TMEM248: variants seen among roughly 807,000 people sequenced by gnomAD.
The protein encoded by TMEM248 is UPF0458 protein C7orf42.
TMEM248 carries 9 observed loss-of-function variants against 30.3 expected under a neutral mutation model. The observed-to-expected ratio is 0.30, with a 90% CI of 0.18 to 0.52. The LOEUF is 0.52. Ranked by LOEUF, TMEM248 falls within the 20% of genes least tolerant of loss-of-function variation. TMEM248 has a pLI of 0.97. For synonymous variants in TMEM248, 184 were observed against 154.4 expected, an observed-to-expected ratio of 1.19 and a Z score of -1.42; for missense variants, 338 against 403.3, an observed-to-expected ratio of 0.84 and a Z score of 1.39.
At chr7:66,940,073 C>G (rs1397766329) in intron 1 of TMEM248, among the ~76,000 whole-genome samples, 1 of 152,110 alleles carries the variant, frequency 6.6e-6, no homozygotes, top group Non-Finnish European at 1.5e-5. Flanking sequence ...CCTGCCTCAG[C>G]CTCCCTAGTA....
chr7:66,934,449 C>T (rs561128084), intron 1 of TMEM248, among the ~76,000 whole-genome samples: 1 of 152,312 alleles, frequency 6.6e-6, no homozygotes, highest in East Asian at 1.9e-4. Flanking sequence ...GATCCACCCG[C>T]TTTGGCCTCC....
chr7:66,948,684 C>G lies in TMEM248; in HGVS notation c.586C>G (p.Pro196Ala). 6.2e-7 allele frequency: 1 copy of G among 1,610,060 alleles called. No individual in the cohort carries two copies. Among genetic ancestry groups the G allele is most frequent in the South Asian group, 1.1e-5 (1 of 90,986 alleles). The change falls in exon 4 of 7, where the codon CCC (proline) becomes GCC (alanine). Residue 196 changes from proline to alanine, a missense_variant. Coordinates refer to ENST00000341567, the MANE Select transcript of TMEM248 (RefSeq NM_017994.5). The part of the protein sequence containing the change: ...MTLTASPGVF[P>A]VTVQPPHCVP... ...CCTCACGGCCAGCCCTGGGGTGTTC[C>G]CCGTCACTGTGTAAGTGTACCCGGC... is the stretch of plus-strand genomic sequence containing the variant.
chr7:66,938,066 G>A (rs577282054), intron 1 of TMEM248, among the ~76,000 whole-genome samples: 267 of 152,212 alleles, frequency 1.8e-3, no homozygotes, highest in African/African-American at 6.2e-3. Context: ...TATAGGTAGG[G>A]TGTGTTTCTT....
intron 5 of TMEM248, among the ~76,000 whole-genome samples, chr7:66,951,518 G>T (rs189464459): frequency 6.6e-6 from 1 of 152,110 alleles, no homozygotes; most frequent in African/African-American, 2.4e-5. Context: ...GCTGCTTAGA[G>T]TTCTGAAAGA....
At chr7:66,928,627 TCTCA>T (rs956289572) in intron 1 of TMEM248, among the ~76,000 whole-genome samples, 5 of 152,192 alleles carry the variant, frequency 3.3e-5, no homozygotes, top group Admixed American at 6.5e-5. Context: ...AATGCTCTCT[TCTCA>T]CTCCTTCGTC....
In TMEM248 at chr7:66,955,604, T is replaced by C. The variant is rs1039622714; in HGVS notation, c.*82T>C. 20 of 1,508,838 alleles carry C rather than the reference T, an allele frequency of 1.3e-5. No homozygotes were observed. Among genetic ancestry groups the C allele is most frequent in the Admixed American group, 5.3e-5 (3 of 56,454 alleles). 93.5% of individuals were successfully genotyped at this position (1,508,838 alleles called of 1,614,324 possible). A position where few individuals can be genotyped will look rare whatever the true frequency, so the allele number is the denominator to read the frequency against. ...GAACCCAGCCTGGGCCTGGATGCTC[T>C]GTGAATACATTATCTTGCGATGTTG... is the stretch of plus-strand genomic sequence containing the variant. On this transcript the variant is annotated 3_prime_UTR_variant, in exon 7 of 7. Transcript: ENST00000341567.
chr7:66,952,871 G>T (rs796529701), intron 5 of TMEM248, among the ~76,000 whole-genome samples: 3 of 152,328 alleles, frequency 2.0e-5, no homozygotes, highest in African/African-American at 7.2e-5. Flanking sequence ...CTTGTGACGA[G>T]GATGTGTCCA....
At chr7:66,926,480 C>T (rs1469190600) in intron 1 of TMEM248, among the ~76,000 whole-genome samples, 1 of 151,896 alleles carries the variant, frequency 6.6e-6, no homozygotes, top group Non-Finnish European at 1.5e-5. Context: ...ATTAGCTGGG[C>T]GTGGTGGCAC....
At chr7:66,935,189 A>G (rs1054691178) in intron 1 of TMEM248, among the ~76,000 whole-genome samples, 1 of 151,966 alleles carries the variant, frequency 6.6e-6, no homozygotes, top group East Asian at 1.9e-4. Flanking sequence ...TATTATTGTT[A>G]TTATTATTTT....
rs763505815 is a variant in TMEM248, at chr7:66,944,995, T to C, written c.179T>C (p.Leu60Pro). The change falls in exon 3 of 7, where the codon CTA becomes CCA. Residue 60 changes from leucine (L) to proline (P), a missense_variant. Leu to Pro is a moderately conservative substitution (Grantham distance 98). Transcript: ENST00000341567. ...CCAAAGGATTGGAATACTTTTCTGCTACGGTTCAATGATTTGGACTTGTGT... is the reference window on the plus strand; with the variant it reads ...CCAAAGGATTGGAATACTTTTCTGCCACGGTTCAATGATTTGGACTTGTGT... ...EMAEDWNTFL[L>P]RFNDLDLCVS... is the part of the protein sequence containing the mutation. 1.2e-6 allele frequency: 2 copies of C among 1,614,154 alleles called. No homozygotes were observed. The highest frequency in any genetic ancestry group is 4.5e-5 in the East Asian group (2 of 44,886).
chr7:66,943,691 ATG>A (rs151222654), intron 2 of TMEM248, among the ~76,000 whole-genome samples: 2,124 of 152,250 alleles, frequency 0.014, 57 homozygotes, highest in East Asian at 0.092. Context: ...GTTAGGGAAA[ATG>A]TAATTTGATA....
intron 1 of TMEM248, among the ~76,000 whole-genome samples, chr7:66,929,836 A>AGGG (rs1791620357): frequency 6.6e-6 from 1 of 152,116 alleles, no homozygotes; most frequent in African/African-American, 2.4e-5. Context: ...AGGACTTGGT[A>AGGG]ACTGGTTGTA....
At chr7:66,928,332 G>GTTTTTTTTT (rs140842093) in intron 1 of TMEM248, among the ~76,000 whole-genome samples, 1 of 144,430 alleles carries the variant, frequency 6.9e-6, no homozygotes, top group Non-Finnish European at 1.5e-5. Context: ...CATGTGAGTT[G>GTTTTTTTTT]TTTTTTTTTT....
At position 66,957,131 on chromosome 7, in the gene TMEM248, A is replaced by G. The variant is rs925461695; in HGVS notation, c.*1609A>G. ...TTTGCCTTAATAGCTCATTGTCACT[A>G]ATAACTTCTGTGTTCTCCCAGGCAG... On this transcript the variant is annotated 3_prime_UTR_variant, in exon 7 of 7. Transcript: ENST00000341567. The G allele has an allele frequency of 6.6e-6, 1 of 152,612 alleles. No individual in the cohort carries two copies. Among genetic ancestry groups the G allele is most frequent in the African/African-American group, 2.4e-5 (1 of 41,434 alleles). 9.5% of individuals were successfully genotyped at this position (152,612 alleles called of 1,614,324 possible).
intron 5 of TMEM248, among the ~76,000 whole-genome samples, chr7:66,952,843 A>G (rs1009429107): frequency 2.6e-5 from 4 of 152,218 alleles, no homozygotes; most frequent in African/African-American, 9.6e-5. Context: ...GCTGTCAGCC[A>G]TGCAACCTGA....
chr7:66,944,899 G>A, intron 2 of TMEM248, 77 bp from the exon 3 acceptor site: 2 of 1,500,374 alleles, frequency 1.3e-6, no homozygotes, highest in East Asian at 2.3e-5. Flanking sequence ...GTGCCACACT[G>A]GGGTCTTACC....
Position 66,955,359 on chromosome 7 carries a change from G to A in TMEM248, c.925-143G>A, listed in dbSNP as rs955068344. ...TGAGATTTCTAGTAATTTCTTCCTAGGTGAGATTTTCTTTTTAGGGATTTA... is the reference window on the plus strand; with the variant it reads ...TGAGATTTCTAGTAATTTCTTCCTAAGTGAGATTTTCTTTTTAGGGATTTA... On this transcript the variant is annotated intron_variant, in intron 6 of 6. Coordinates refer to ENST00000341567, the MANE Select transcript of TMEM248 (RefSeq NM_017994.5). The A allele has an allele frequency of 3.2e-6, 3 of 942,654 alleles. No individual in the cohort carries two copies. The South Asian group carries it at 4.7e-5, about 15-fold the overall frequency. The allele number at this position is 942,654 out of a possible 1,614,324, so 58.4% of individuals were successfully genotyped here.
chr7:66,939,852 A>G (rs1360872540), intron 1 of TMEM248, among the ~76,000 whole-genome samples: 2 of 152,194 alleles, frequency 1.3e-5, no homozygotes, highest in Non-Finnish European at 2.9e-5. Context: ...TAGGAAAATA[A>G]TTGTGCTCTT....
At chr7:66,949,911 C>A (rs1792217759) in intron 4 of TMEM248, among the ~76,000 whole-genome samples, 1 of 151,806 alleles carries the variant, frequency 6.6e-6, no homozygotes, top group Admixed American at 6.6e-5. Context: ...TAAAATAATT[C>A]TATGGTGAAT....
Sources: allele counts gnomAD v4.1 joint callset (sites outside exome capture counted in the v4.1 genomes callset), GRCh38; gene constraint gnomAD v4.1.1; transcripts MANE v1.5; gene names NCBI Gene and HGNC (gene_info 2026-07-23, HGNC 2026-07-21).